The following TOGARAM1 variants were observed in gnomAD, a reference collection of about 807,000 sequenced individuals.
TOGARAM1 encodes TOG array regulator of axonemal microtubules protein 1.
Under a neutral mutation model 166.6 loss-of-function variants are expected in TOGARAM1, and 100 were observed. The ratio of observed to expected loss-of-function variants is 0.60; its 90% CI spans 0.51 to 0.71. The LOEUF is 0.71. Among genes scored for constraint, TOGARAM1 ranks in the 30% least tolerant of loss-of-function variants. The pLI, the probability that TOGARAM1 is intolerant of heterozygous loss-of-function variation, is 0.00. For missense variants in TOGARAM1, 2,029 were observed against 2,102.7 expected (o/e 0.96, Z 0.69); for synonymous variants, 758 against 763.8 (o/e 0.99, Z 0.13).
At chr14:45,026,354 A>G (rs867788957) in intron 8 of TOGARAM1, among the ~76,000 whole-genome samples, 2 of 152,198 alleles carry the variant, frequency 1.3e-5, no homozygotes, top group Admixed American at 6.5e-5. Flanking sequence ...ATTGAAAACT[A>G]GAATGTGGTA....
chr14:45,025,154 A>G (rs1314213790), intron 7 of TOGARAM1, among the ~76,000 whole-genome samples: 2 of 152,128 alleles, frequency 1.3e-5, no homozygotes, highest in Non-Finnish European at 2.9e-5. Flanking sequence ...CATTGACCTG[A>G]TCTGTTTTCT....
At position 45,073,333 on chromosome 14, in the gene TOGARAM1, C is replaced by T; in HGVS notation, c.5094C>T (p.Ala1698=). The T allele has an allele frequency of 6.2e-7, 1 of 1,614,034 alleles. No homozygotes were observed. The highest frequency in any genetic ancestry group is 8.5e-7 in the Non-Finnish European group (1 of 1,179,994). Residue 1698 remains alanine, a synonymous_variant, in exon 20 of 20, where the codon GCC becomes GCT. Transcript: ENST00000361462. The part of the protein sequence containing the change: ...VTELYQRKPH[A]TEQKVLVVLW... ...AACTTTATCAAAGGAAGCCGCATGC[C>T]ACAGAGCAGAAAGTGTTGGTTGTTT...
In TOGARAM1 at chr14:44,962,986, C is replaced by G; in HGVS notation, c.565C>G (p.Arg189Gly). ...ALLPQLVVSL[R>G]EENPALRKDA... ...TTTGCCTCAACTAGTTGTCTCGTTACGGGAAGAGAATCCAGCCCTGCGGAA... is the reference window on the plus strand; with the variant it reads ...TTTGCCTCAACTAGTTGTCTCGTTAGGGGAAGAGAATCCAGCCCTGCGGAA... The change falls in exon 1 of 20, where the codon CGG (arginine) becomes GGG (glycine). Residue 189 changes from arginine to glycine, a missense_variant. Arg to Gly is a moderately radical substitution (Grantham distance 125). Coordinates refer to ENST00000361462, the MANE Select transcript of TOGARAM1 (RefSeq NM_001308120.2). 19 of 1,614,152 alleles carry G rather than the reference C, an allele frequency of 1.2e-5. No individual in the cohort carries two copies. The highest frequency in any genetic ancestry group is 1.5e-5 in the Non-Finnish European group (18 of 1,180,022).
chr14:45,018,748 GAA>G (rs1232825133), intron 7 of TOGARAM1, among the ~76,000 whole-genome samples: 4 of 152,120 alleles, frequency 2.6e-5, no homozygotes, highest in Non-Finnish European at 1.5e-5. Flanking sequence ...TTACAAAAGA[GAA>G]TACGATTTTT....
chr14:44,995,592 G>T (rs547200612), intron 1 of TOGARAM1, 154 bp from the exon 2 acceptor site: 1 of 660,954 alleles, frequency 1.5e-6, no homozygotes, highest in Non-Finnish European at 2.7e-6. Context: ...TGGTGTACCC[G>T]ACTAAATATG....
rs1879622580 is a variant in TOGARAM1, at chr14:45,008,929, G to T, written c.2921G>T (p.Arg974Met). The T allele has an allele frequency of 3.1e-6, 5 of 1,613,360 alleles. No individual in the cohort carries two copies. In the Admixed American group the frequency reaches 5.0e-5, roughly 16 times the overall value. Residue 974 changes from arginine (R) to methionine (M), a missense_variant, in exon 6 of 20, where the codon AGG becomes ATG. Around this residue, in one of 2 missense-constraint regions of TOGARAM1, gnomAD observed 1,453 missense variants for 1,432.2 expected, o/e 1.01. Transcript: ENST00000361462. ...TTTTCTTAGATGCATAGCTCTCTTA[G>T]GTCCCTTCGTAATAGTGCAGCTAAG... ...LDQEEMHSSL[R>M]SLRNSAAKKR...
In TOGARAM1 at chr14:44,963,662, C is replaced by T; in HGVS notation, c.1241C>T (p.Thr414Ile). 1 of 1,613,450 alleles carries T rather than the reference C, an allele frequency of 6.2e-7. No individual in the cohort carries two copies. Among genetic ancestry groups the T allele is most frequent in the Non-Finnish European group, 8.5e-7 (1 of 1,180,030 alleles). The change falls in exon 1 of 20, where the codon ACA becomes ATA. Residue 414 changes from threonine (T) to isoleucine (I), a missense_variant. Coordinates refer to ENST00000361462, the MANE Select transcript of TOGARAM1 (RefSeq NM_001308120.2). Reference sequence around the variant, plus strand: ...TCTAACTTCAAAGTGGTGCATGGCACACTTGAAGTCCTGCATTTACTGGTT... The same window carrying T: ...TCTAACTTCAAAGTGGTGCATGGCATACTTGAAGTCCTGCATTTACTGGTT... ...DDSNFKVVHG[T>I]LEVLHLLVIR...
chr14:45,052,169 G>A (rs1216641822), intron 14 of TOGARAM1, among the ~76,000 whole-genome samples: 1 of 152,134 alleles, frequency 6.6e-6, no homozygotes, highest in East Asian at 1.9e-4. Context: ...AAAATTCAAA[G>A]TATGGTTTCC....
intron 4 of TOGARAM1, 40 bp from the exon 5 acceptor site, chr14:45,005,968 A>T: frequency 1.3e-6 from 2 of 1,503,206 alleles, no homozygotes; most frequent in Non-Finnish European, 8.9e-7. Flanking sequence ...CTTCTCTAAA[A>T]TTAGAAAAAG....
At chr14:45,043,655 C>T (rs78873564) in intron 11 of TOGARAM1, 31 bp from the exon 12 acceptor site, 20 of 1,221,698 alleles carry the variant, frequency 1.6e-5, no homozygotes, top group South Asian at 8.5e-5. Flanking sequence ...TCCCATTTAA[C>T]GAATGATCTT....
Position 44,964,468 on chromosome 14 carries a change from G to GT in TOGARAM1, c.2046+2dup, listed in dbSNP as rs781237059. 2 of 1,532,868 alleles carry GT rather than the reference G, an allele frequency of 1.3e-6. No individual in the cohort carries two copies. 95.0% of individuals were successfully genotyped at this position (1,532,868 alleles called of 1,614,324 possible). ...CTCCACTTCCAAGGATATAGAGCAG[G>GT]TATGCTTCTCTAATTTTCTTGAGTC... On this transcript the variant is annotated splice_donor_variant, in intron 1 of 19. Transcript: ENST00000361462. LOFTEE classifies it high-confidence loss of function.
At chr14:45,027,247 G>C in intron 8 of TOGARAM1, 52 bp from the exon 9 acceptor site, 4 of 1,579,424 alleles carry the variant, frequency 2.5e-6, no homozygotes, top group Non-Finnish European at 3.5e-6. Context: ...TTGTTGTCTA[G>C]AGTACCATCA....
chr14:44,984,578 G>C (rs1594621497), intron 1 of TOGARAM1, among the ~76,000 whole-genome samples: 1 of 151,532 alleles, frequency 6.6e-6, no homozygotes, highest in African/African-American at 2.4e-5. Flanking sequence ...CTTGAGGCCT[G>C]GGCAATATAC....
rs774305252 is a variant in TOGARAM1 at position 45,066,738 on chromosome 14, C to A, written c.4720C>A (p.Gln1574Lys). ...KQLLSDTENN[Q>K]DLVVGNIVKI... ...GCTTTTATCAGATACAGAAAATAAT[C>A]AAGACCTTGTTGTTGGAAACATTGT... The change falls in exon 17 of 20, where the codon CAA becomes AAA. Residue 1574 changes from glutamine to lysine, a missense_variant. By Grantham distance (53) the Gln-to-Lys change is moderately conservative. Coordinates refer to ENST00000361462, the MANE Select transcript of TOGARAM1 (RefSeq NM_001308120.2). 1 of 1,612,850 alleles carries A rather than the reference C, an allele frequency of 6.2e-7. No individual in the cohort carries two copies. The highest frequency in any genetic ancestry group is 2.2e-5 in the East Asian group (1 of 44,838).
intron 3 of TOGARAM1, among the ~76,000 whole-genome samples, chr14:45,000,429 C>T (rs1443955398): frequency 6.6e-6 from 1 of 152,106 alleles, no homozygotes; most frequent in Non-Finnish European, 1.5e-5. Flanking sequence ...TTTTTAGCTC[C>T]CACATAGCAG....
At chr14:45,021,248 G>C (rs1276171304) in intron 7 of TOGARAM1, among the ~76,000 whole-genome samples, 1 of 152,162 alleles carries the variant, frequency 6.6e-6, no homozygotes, top group Non-Finnish European at 1.5e-5. Context: ...CCAATAATGA[G>C]TATTTGCATG....
In TOGARAM1 at chr14:44,962,315, C is replaced by T. The variant is rs1885183798; in HGVS notation, c.-107C>T. Reference sequence around the variant, plus strand: ...GCGGCAGGCTGAAGCTGTTCTTTTGCCTCTTCTGCAGCTTGGGGCTTGGAG... The same window carrying T: ...GCGGCAGGCTGAAGCTGTTCTTTTGTCTCTTCTGCAGCTTGGGGCTTGGAG... On this transcript the variant is annotated 5_prime_UTR_variant, in exon 1 of 20. Coordinates refer to ENST00000361462, the MANE Select transcript of TOGARAM1 (RefSeq NM_001308120.2). 2 of 1,361,618 alleles carry T rather than the reference C, an allele frequency of 1.5e-6. No homozygotes were observed. Among genetic ancestry groups the T allele is most frequent in the Non-Finnish European group, 9.7e-7 (1 of 1,035,742 alleles). The allele number at this position is 1,361,618 out of a possible 1,614,324, so 84.3% of individuals were successfully genotyped here. A position where few individuals can be genotyped will look rare whatever the true frequency, so the allele number is the denominator to read the frequency against.
chr14:45,054,607 T>C, intron 16 of TOGARAM1, 58 bp downstream of exon 16: 1 of 1,238,562 alleles, frequency 8.1e-7, no homozygotes, highest in South Asian at 1.5e-5. Context: ...AGTAGTCTCA[T>C]TTGGATGTTT....
intron 7 of TOGARAM1, among the ~76,000 whole-genome samples, chr14:45,019,722 C>G (rs548060787): frequency 6.6e-6 from 1 of 152,266 alleles, no homozygotes; most frequent in African/African-American, 2.4e-5. Context: ...AAGTTGCAAG[C>G]CCCGTGTTTA....
Sources: gnomAD v4.1 joint callset for allele counts (sites outside exome capture counted in the v4.1 genomes callset) on GRCh38, gnomAD v4.1.1 for gene constraint, gnomAD v4.1.1 regional missense constraint, MANE v1.5 for transcripts, NCBI Gene and HGNC (gene_info 2026-07-23, HGNC 2026-07-21) for gene names.